The following ZRANB1 variants were observed in gnomAD, a reference collection of about 807,000 sequenced individuals.
The protein encoded by ZRANB1 is zinc finger RANBP2-type containing 1.
Under a neutral mutation model 80.5 loss-of-function variants are expected in ZRANB1, and 16 were observed. That is an observed-to-expected ratio of 0.20 (90% confidence interval 0.13 to 0.30). The LOEUF is 0.30. Among genes scored for constraint, ZRANB1 ranks in the 10% least tolerant of loss-of-function variants. The pLI, the probability that ZRANB1 is intolerant of heterozygous loss-of-function variation, is 1.00. For missense variants in ZRANB1, 576 were observed against 862.6 expected (o/e 0.67, Z 4.16); for synonymous variants, 291 against 293.1 (o/e 0.99, Z 0.07).
rs1490385798 is a variant in ZRANB1, at chr10:124,981,661, A to C, written c.1428-48A>C. On this transcript the variant is annotated intron_variant, in intron 5 of 8. Coordinates refer to ENST00000359653, the MANE Select transcript of ZRANB1 (RefSeq NM_017580.3). The stretch of plus-strand genomic sequence containing the variant: ...AAATGATCAGAACTTTAAATGTTTT[A>C]TTTATAGAAGACTATTTATTTATTT... The C allele has an allele frequency of 2.7e-6, 4 of 1,494,824 alleles. No individual in the cohort carries two copies. In the African/African-American group the frequency reaches 5.7e-5, roughly 21 times the overall value. The allele number at this position is 1,494,824 out of a possible 1,614,324, so 92.6% of individuals were successfully genotyped here.
intron 1 of ZRANB1, among the ~76,000 whole-genome samples, chr10:124,952,783 G>T (rs1951651642): frequency 6.6e-6 from 1 of 151,870 alleles, no homozygotes; most frequent in Admixed American, 6.6e-5. Context: ...GCTAATTTTT[G>T]TATTTTTAGT....
At chr10:124,964,258 T>C (rs1370757396) in intron 1 of ZRANB1, among the ~76,000 whole-genome samples, 1 of 152,364 alleles carries the variant, frequency 6.6e-6, no homozygotes, top group East Asian at 1.9e-4. Flanking sequence ...ATTGGTGATA[T>C]TATTGTACAT....
chr10:124,951,695 G>A (rs1293913899), intron 1 of ZRANB1, among the ~76,000 whole-genome samples: 3 of 152,178 alleles, frequency 2.0e-5, no homozygotes, highest in Non-Finnish European at 2.9e-5. Context: ...GGTGGCTCAT[G>A]CCTGTAATCC....
rs376277342 is a variant in ZRANB1, at chr10:124,943,287, T to C, written c.794T>C (p.Leu265Pro). The C allele has an allele frequency of 6.2e-7, 1 of 1,613,342 alleles. No individual in the cohort carries two copies. Among genetic ancestry groups the C allele is most frequent in the Non-Finnish European group, 8.5e-7 (1 of 1,179,634 alleles). ...IKNRMKKTDW[L>P]FLNACVGVVE... ...AACAGGATGAAAAAGACTGATTGGC[T>C]CTTCCTCAATGCTTGTGTGGGTAAG... Residue 265 changes from leucine (L) to proline (P), a missense_variant, in exon 1 of 9, where the codon CTC becomes CCC. Leu to Pro is a moderately conservative substitution (Grantham distance 98). This residue lies in a region of ZRANB1 where 411 missense variants were observed against 583.1 expected (regional missense o/e 0.70). Transcript: ENST00000359653.
chr10:124,976,872 T>G (rs1466735447), intron 5 of ZRANB1, among the ~76,000 whole-genome samples: 1 of 151,800 alleles, frequency 6.6e-6, no homozygotes, highest in Non-Finnish European at 1.5e-5. Flanking sequence ...GCGCCTGGCC[T>G]TTTCTTTGGT....
At chr10:124,933,936 T>C in the ZRANB1 span, among the ~76,000 whole-genome samples, 1 of 152,216 alleles carries the variant, frequency 6.6e-6, no homozygotes, top group Non-Finnish European at 1.5e-5. Flanking sequence ...TGTTTCATGC[T>C]AGATTTGACA....
chr10:124,965,438 C>T (rs1404796824), intron 1 of ZRANB1, among the ~76,000 whole-genome samples: 1 of 152,086 alleles, frequency 6.6e-6, no homozygotes, highest in Non-Finnish European at 1.5e-5. Flanking sequence ...CCTGGCAAGG[C>T]GTTCCTGTAT....
intron 1 of ZRANB1, among the ~76,000 whole-genome samples, chr10:124,948,445 C>G (rs1287777728): frequency 2.0e-5 from 3 of 151,742 alleles, no homozygotes; most frequent in Admixed American, 1.3e-4. Flanking sequence ...GTTCAAGGGC[C>G]AAATATAGTT....
At chr10:124,938,875 TA>T (rs915064342), upstream of ZRANB1, among the ~76,000 whole-genome samples, 1 of 151,876 alleles carries the variant, frequency 6.6e-6, no homozygotes, top group African/African-American at 2.4e-5. Context: ...CCTGGCTAAT[TA>T]AAAAAAAGTT....
intron 1 of ZRANB1, chr10:124,962,493 G>A: frequency 1.7e-5 from 13 of 766,552 alleles, no homozygotes; most frequent in Non-Finnish European, 2.1e-5. Flanking sequence ...GGAAAATAAG[G>A]CAAAACTTTG....
At chr10:124,919,315 C>T in the ZRANB1 span, among the ~76,000 whole-genome samples, 25 of 152,066 alleles carry the variant, frequency 1.6e-4, no homozygotes, top group African/African-American at 6.0e-4. Flanking sequence ...GAGGTTGAGG[C>T]GGGCGGATCG....
At chr10:124,973,029 G>A (rs911278387) in intron 3 of ZRANB1, among the ~76,000 whole-genome samples, 1 of 151,974 alleles carries the variant, frequency 6.6e-6, no homozygotes, top group South Asian at 2.1e-4. Flanking sequence ...TCAGACAAAC[G>A]GATTTTTACA....
At chr10:124,947,588 C>T (rs1032033050) in intron 1 of ZRANB1, among the ~76,000 whole-genome samples, 4 of 152,144 alleles carry the variant, frequency 2.6e-5, no homozygotes, top group Admixed American at 1.3e-4. Context: ...AGCATCTTTC[C>T]TGGAGTGTTT....
the ZRANB1 span, among the ~76,000 whole-genome samples, chr10:124,926,768 C>T: frequency 2.6e-5 from 4 of 152,098 alleles, no homozygotes; most frequent in African/African-American, 7.2e-5. Flanking sequence ...AGACTGCCAG[C>T]GCAGTAGGTT....
chr10:124,932,249 G>C, the ZRANB1 span, among the ~76,000 whole-genome samples: 7 of 148,076 alleles, frequency 4.7e-5, no homozygotes, highest in Non-Finnish European at 8.9e-5. Context: ...TTTGCAATTA[G>C]AAAAAAATTC....
chr10:124,948,618 A>G (rs1951604601), intron 1 of ZRANB1, among the ~76,000 whole-genome samples: 1 of 151,508 alleles, frequency 6.6e-6, no homozygotes, highest in East Asian at 1.9e-4. Flanking sequence ...TGCCTTCTCA[A>G]TGAGGTCCTC....
chr10:124,974,990 G>A (rs1366206563), intron 5 of ZRANB1, among the ~76,000 whole-genome samples: 2 of 152,334 alleles, frequency 1.3e-5, no homozygotes, highest in Admixed American at 1.3e-4. Flanking sequence ...TAGAGATGGA[G>A]TTTTGCCATC....
rs1952014515 is a variant in ZRANB1 at position 124,985,584 on chromosome 10, G to C, written c.*592G>C. On this transcript the variant is annotated 3_prime_UTR_variant, in exon 9 of 9. Coordinates refer to ENST00000359653, the MANE Select transcript of ZRANB1 (RefSeq NM_017580.3). ...AGGAACAAACTGCAAGAAAAGCTAA[G>C]AATGTTTTAGAGTGAACTAAATACA... is the stretch of plus-strand genomic sequence containing the variant. The C allele has an allele frequency of 6.6e-6, 1 of 152,630 alleles. No homozygotes were observed. The highest frequency in any genetic ancestry group is 2.1e-4 in the South Asian group (1 of 4,836). 9.5% of individuals were successfully genotyped at this position (152,630 alleles called of 1,614,324 possible).
upstream of ZRANB1, among the ~76,000 whole-genome samples, chr10:124,940,758 G>A (rs1422051022): frequency 6.6e-6 from 1 of 151,930 alleles, no homozygotes; most frequent in African/African-American, 2.4e-5. Context: ...GGTGGATCAC[G>A]AGGTCAGGAG....
Sources: allele counts gnomAD v4.1 joint callset (sites outside exome capture counted in the v4.1 genomes callset), GRCh38; gene constraint gnomAD v4.1.1; regional missense constraint gnomAD v4.1.1; transcripts MANE v1.5; gene names NCBI Gene and HGNC (gene_info 2026-07-23, HGNC 2026-07-21).